PCNX1: variants seen among roughly 807,000 people sequenced by gnomAD.
The protein encoded by PCNX1 is pecanex-like protein 1.
PCNX1 carries 78 observed loss-of-function variants against 242.2 expected under a neutral mutation model. The observed-to-expected ratio is 0.32, with a 90% confidence interval of 0.27 to 0.39. The LOEUF (loss-of-function observed/expected upper bound fraction) is 0.39. Ranked by LOEUF, PCNX1 falls within the 10% of genes least tolerant of loss-of-function variation. PCNX1 has a pLI of 1.00. For synonymous variants in PCNX1, 1,024 were observed against 1,032.9 expected, an observed-to-expected ratio of 0.99 and a Z score of 0.17; for missense variants, 2,581 against 2,856.5, an observed-to-expected ratio of 0.90 and a Z score of 2.20.
rs146335800 is a variant in PCNX1, at chr14:70,970,379, A to G, written c.604+1269A>G. ...AGACCCTTTCTCTCTCTCTCAGTCA[A>G]TCAACCAATCAATCAGTCAATATCA... On this transcript the variant is annotated intron_variant, in intron 5 of 35. Transcript: ENST00000304743. Among the ~76,000 whole-genome samples the G allele has an allele frequency of 1.3e-3, 193 of 152,218 alleles. 6 individuals are homozygous for G. The East Asian group carries it at 0.031, about 24-fold the overall frequency.
intron 26 of PCNX1, among the ~76,000 whole-genome samples, chr14:71,066,397 T>C (rs985204879): frequency 6.6e-5 from 10 of 152,214 alleles, no homozygotes; most frequent in South Asian, 2.1e-4. Flanking sequence ...AGTTCACTTA[T>C]GATTTGACTC....
chr14:71,113,798 C>T lies in PCNX1; in HGVS notation c.*3863C>T, dbSNP rs2062800853. ...AAACTGCTGTCCAGATTGTTAATTTCATTTATATTTATTTTAATTAATTTG... is the reference window on the plus strand; with the variant it reads ...AAACTGCTGTCCAGATTGTTAATTTTATTTATATTTATTTTAATTAATTTG... On this transcript the variant is annotated 3_prime_UTR_variant, in exon 36 of 36. Coordinates refer to ENST00000304743, the MANE Select transcript of PCNX1 (RefSeq NM_014982.3). 6.6e-6 allele frequency: 1 copy of T among 152,086 alleles called. No individual in the cohort carries two copies. Among genetic ancestry groups the T allele is most frequent in the South Asian group, 2.1e-4 (1 of 4,830 alleles). 9.4% of individuals were successfully genotyped at this position (152,086 alleles called of 1,614,324 possible).
At chr14:71,010,761 T>G (rs2059800739) in intron 9 of PCNX1, among the ~76,000 whole-genome samples, 1 of 152,146 alleles carries the variant, frequency 6.6e-6, no homozygotes, top group South Asian at 2.1e-4. Context: ...TCACATCTGT[T>G]TAAATGTTAG....
chr14:71,088,630 C>A (rs376109689), intron 29 of PCNX1, among the ~76,000 whole-genome samples, 200 bp downstream of exon 29: 1 of 152,160 alleles, frequency 6.6e-6, no homozygotes, highest in African/African-American at 2.4e-5. Context: ...AAAATTCACA[C>A]GTGTGGGTAG....
rs185791880 is a variant in PCNX1 at position 70,916,991 on chromosome 14, G to A, written c.153+8988G>A. ...TTTCAACAGTGTTCACAGCGTCTTC[G>A]CCAGGAGCAAATTGGATCTCAGGAA... On this transcript the variant is annotated intron_variant, in intron 1 of 35. Transcript: ENST00000304743. Among the ~76,000 whole-genome samples, 384 of 152,158 alleles carry A rather than the reference G, an allele frequency of 2.5e-3. 4 individuals are homozygous for A. Among genetic ancestry groups the A allele is most frequent in the African/African-American group, 8.8e-3 (367 of 41,478 alleles).
At chr14:70,966,688 T>G (rs1026121198) in intron 3 of PCNX1, among the ~76,000 whole-genome samples, 2 of 152,232 alleles carry the variant, frequency 1.3e-5, no homozygotes, top group Non-Finnish European at 2.9e-5. Context: ...GGGAATACTT[T>G]GAGCTTCTGA....
At chr14:70,924,899 A>G (rs2056526185) in intron 1 of PCNX1, among the ~76,000 whole-genome samples, 1 of 151,742 alleles carries the variant, frequency 6.6e-6, no homozygotes, top group Non-Finnish European at 1.5e-5. Flanking sequence ...GGCCTGAACT[A>G]GTTTATTCTT....
intron 25 of PCNX1, among the ~76,000 whole-genome samples, chr14:71,056,561 T>C (rs947060882): frequency 6.6e-6 from 1 of 152,244 alleles, no homozygotes; most frequent in Non-Finnish European, 1.5e-5. Flanking sequence ...CTGAATATTT[T>C]ACCATTCTCC....
intron 24 of PCNX1, 86 bp from the exon 25 acceptor site, chr14:71,055,418 C>G (rs2061155983): frequency 1.3e-6 from 1 of 751,704 alleles, no homozygotes; most frequent in East Asian, 2.6e-5. Context: ...TTATTTTATA[C>G]ATTTCCTATA....
chr14:71,110,046 A>C lies in PCNX1; in HGVS notation c.*111A>C, dbSNP rs774598771. On this transcript the variant is annotated 3_prime_UTR_variant, in exon 36 of 36. Coordinates refer to ENST00000304743, the MANE Select transcript of PCNX1 (RefSeq NM_014982.3). The stretch of plus-strand genomic sequence containing the variant: ...AGGTATCACTTTGATCCTATGTGGG[A>C]GCGACTGAAAATAGAATGAGCTTGG... 1 of 973,730 alleles carries C rather than the reference A, an allele frequency of 1.0e-6. No individual in the cohort carries two copies. Among genetic ancestry groups the C allele is most frequent in the Admixed American group, 1.7e-5 (1 of 57,292 alleles). 60.3% of individuals were successfully genotyped at this position (973,730 alleles called of 1,614,324 possible).
intron 1 of PCNX1, among the ~76,000 whole-genome samples, chr14:70,920,024 C>T (rs118105011): frequency 6.6e-6 from 1 of 152,216 alleles, no homozygotes; most frequent in Non-Finnish European, 1.5e-5. Flanking sequence ...GCTTGAATCA[C>T]GTGTCTGGCT....
rs962187212 is a variant in PCNX1 at position 71,113,931 on chromosome 14, A to G, written c.*3996A>G. On this transcript the variant is annotated 3_prime_UTR_variant, in exon 36 of 36. Transcript: ENST00000304743. ...CTTTTTCTGTGTAATGTAATCATAT[A>G]AAGTTACTTTGGACAGAGACCCAGT... is the stretch of plus-strand genomic sequence containing the variant. 1 of 152,158 alleles carries G rather than the reference A, an allele frequency of 6.6e-6. No homozygotes were observed. Among genetic ancestry groups the G allele is most frequent in the Non-Finnish European group, 1.5e-5 (1 of 68,008 alleles). 9.4% of individuals were successfully genotyped at this position (152,158 alleles called of 1,614,324 possible).
intron 28 of PCNX1, among the ~76,000 whole-genome samples, chr14:71,080,574 G>T (rs1370505083): frequency 6.6e-6 from 1 of 152,126 alleles, no homozygotes; most frequent in Non-Finnish European, 1.5e-5. Flanking sequence ...AGTTCTCCTT[G>T]AAGAGGTCGT....
intron 26 of PCNX1, among the ~76,000 whole-genome samples, chr14:71,071,136 A>C (rs1595434581): frequency 2.0e-5 from 3 of 152,236 alleles, no homozygotes; most frequent in Non-Finnish European, 4.4e-5. Context: ...CTCAGCCTTC[A>C]AAGAATTGTA....
At chr14:70,981,521 G>A (rs975554283) in intron 6 of PCNX1, among the ~76,000 whole-genome samples, 4 of 152,108 alleles carry the variant, frequency 2.6e-5, no homozygotes, top group Non-Finnish European at 4.4e-5. Context: ...ACAAGTGATT[G>A]TTTTCATACG....
At chr14:71,073,884 C>CT (rs1038839550) in intron 27 of PCNX1, 86 bp downstream of exon 27, 95 of 928,228 alleles carry the variant, frequency 1.0e-4, no homozygotes, top group Non-Finnish European at 9.9e-5. Flanking sequence ...TATGTATATA[C>CT]TTTTTTTTAA....
chr14:71,060,170 G>A (rs1021902842), intron 26 of PCNX1, among the ~76,000 whole-genome samples: 2 of 152,154 alleles, frequency 1.3e-5, no homozygotes, highest in Non-Finnish European at 2.9e-5. Context: ...AAAAATTCCT[G>A]TTAGTGACAT....
intron 11 of PCNX1, among the ~76,000 whole-genome samples, chr14:71,015,708 A>G (rs917123940): frequency 1.3e-5 from 2 of 152,218 alleles, no homozygotes; most frequent in African/African-American, 4.8e-5. Flanking sequence ...TGTAGCTAAT[A>G]TGTCAAAAAG....
At chr14:70,993,756 G>A (rs954782193) in intron 7 of PCNX1, among the ~76,000 whole-genome samples, 2 of 152,158 alleles carry the variant, frequency 1.3e-5, no homozygotes, top group African/African-American at 4.8e-5. Context: ...TGAATCGGAA[G>A]GGACACAGGG....
Sources: gnomAD v4.1 joint callset for allele counts (sites outside exome capture counted in the v4.1 genomes callset) on GRCh38, gnomAD v4.1.1 for gene constraint, MANE v1.5 for transcripts, NCBI Gene and HGNC (gene_info 2026-07-23, HGNC 2026-07-21) for gene names.